The following PRRX1 variants were observed in gnomAD, a reference collection of about 807,000 sequenced individuals.
PRRX1 encodes paired related homeobox 1, also known as paired mesoderm homeobox protein 1.
In PRRX1, 8 loss-of-function variants were observed where a neutral mutation model predicts 24.0. That is an observed-to-expected ratio of 0.33 (90% CI 0.20 to 0.60). The LOEUF is 0.60. PRRX1 is among the 20% of genes least tolerant of loss of function. PRRX1 has a pLI of 0.82. For missense variants in PRRX1, 281 were observed against 322.4 expected (o/e 0.87, Z 0.98); for synonymous variants, 160 against 131.7 (o/e 1.22, Z -1.47).
intron 1 of PRRX1, among the ~76,000 whole-genome samples, chr1:170,681,293 C>G (rs571733437): frequency 6.6e-6 from 1 of 152,234 alleles, no homozygotes; most frequent in South Asian, 2.1e-4. Context: ...CAAACCAGAA[C>G]TTGTCTTGAC....
At chr1:170,734,548 C>A (rs546115752) in intron 3 of PRRX1, among the ~76,000 whole-genome samples, 2 of 152,204 alleles carry the variant, frequency 1.3e-5, no homozygotes, top group African/African-American at 2.4e-5. Context: ...GGGTTGAGAT[C>A]ATCTATCATG....
intron 1 of PRRX1, chr1:170,669,443 A>AAAAAAAAAAAAAAAAAAAC (rs1653067078): frequency 6.8e-6 from 1 of 146,394 alleles, no homozygotes; most frequent in African/African-American, 2.6e-5. Context: ...AAAAAAAAAA[A>AAAAAAAAAAAAAAAAAAAC]AAAAAAAAAA....
intron 1 of PRRX1, among the ~76,000 whole-genome samples, chr1:170,705,195 G>A (rs1654518059): frequency 6.6e-6 from 1 of 152,056 alleles, no homozygotes; most frequent in South Asian, 2.1e-4. Context: ...CATTTATATA[G>A]CTCATGGTTG....
chr1:170,684,434 T>G (rs748694538), intron 1 of PRRX1, among the ~76,000 whole-genome samples: 7 of 152,224 alleles, frequency 4.6e-5, no homozygotes, highest in Non-Finnish European at 1.0e-4. Flanking sequence ...AATAAACTAT[T>G]TGTATAGATA....
In PRRX1 at chr1:170,737,119, T is replaced by C. The variant is rs1229479725; in HGVS notation, c.*933T>C. The C allele has an allele frequency of 1.7e-5, 3 of 175,272 alleles. No individual in the cohort carries two copies. Among genetic ancestry groups the C allele is most frequent in the Non-Finnish European group, 3.7e-5 (3 of 82,174 alleles). The allele number at this position is 175,272 out of a possible 1,614,324, so 10.9% of individuals were successfully genotyped here. A position where few individuals can be genotyped will look rare whatever the true frequency, so the allele number is the denominator to read the frequency against. ...CTTTCGTGCCTTAAGGATAGTGAGA[T>C]GCACACTTATATATATACTGTATAT... On this transcript the variant is annotated 3_prime_UTR_variant, in exon 4 of 4. Transcript: ENST00000239461.
intron 2 of PRRX1, among the ~76,000 whole-genome samples, chr1:170,721,530 G>A (rs963754787): frequency 1.3e-5 from 2 of 151,970 alleles, no homozygotes; most frequent in Non-Finnish European, 2.9e-5. Context: ...GCTTTCCCAC[G>A]GGGAAACAGG....
intron 1 of PRRX1, among the ~76,000 whole-genome samples, chr1:170,714,605 G>A (rs926557550): frequency 6.6e-6 from 1 of 152,160 alleles, no homozygotes; most frequent in African/African-American, 2.4e-5. Flanking sequence ...CAATGATTTG[G>A]AATCTCTAAG....
At chr1:170,676,345 T>C (rs1653319138) in intron 1 of PRRX1, among the ~76,000 whole-genome samples, 1 of 152,086 alleles carries the variant, frequency 6.6e-6, no homozygotes, top group Non-Finnish European at 1.5e-5. Context: ...TTTTTTTCTT[T>C]ACTTCACATT....
At chr1:170,681,012 T>G (rs1347934049) in intron 1 of PRRX1, among the ~76,000 whole-genome samples, 1 of 152,218 alleles carries the variant, frequency 6.6e-6, no homozygotes, top group African/African-American at 2.4e-5. Context: ...TCCATATTTA[T>G]TTGTGTTTAA....
chr1:170,664,579 A>G, intron 1 of PRRX1, 120 bp downstream of exon 1: 1 of 1,414,584 alleles, frequency 7.1e-7, no homozygotes, highest in Admixed American at 2.6e-5. Context: ...AGGAGAGGTG[A>G]TGGCAGACTT....
At chr1:170,712,504 A>C (rs1235332151) in intron 1 of PRRX1, among the ~76,000 whole-genome samples, 3 of 152,178 alleles carry the variant, frequency 2.0e-5, no homozygotes, top group African/African-American at 7.2e-5. Context: ...TGAACAGCTA[A>C]ATAACAACAA....
At chr1:170,702,823 T>C (rs1206410570) in intron 1 of PRRX1, among the ~76,000 whole-genome samples, 1 of 152,210 alleles carries the variant, frequency 6.6e-6, no homozygotes, top group Non-Finnish European at 1.5e-5. Flanking sequence ...CCCAGAAAGC[T>C]AGGTTGCAGC....
At position 170,664,400 on chromosome 1, in the gene PRRX1, G is replaced by A; in HGVS notation, c.182G>A (p.Gly61Asp). Residue 61 changes from glycine to aspartate, a missense_variant, in exon 1 of 4, where the codon GGC (glycine) becomes GAC (aspartate). By Grantham distance (94) the Gly-to-Asp change is moderately conservative. Transcript: ENST00000239461. Reference sequence around the variant, plus strand: ...GCGGATGAGAACGTGGGCGAGGCTGGCCGGAGCCTGCTGGAGTCGCCGGGA... The same window carrying A: ...GCGGATGAGAACGTGGGCGAGGCTGACCGGAGCCTGCTGGAGTCGCCGGGA... ...AQADENVGEAGRSLLESPGLT... is the reference protein window; with the variant it reads ...AQADENVGEADRSLLESPGLT... The A allele has an allele frequency of 1.9e-6, 3 of 1,612,460 alleles. No homozygotes were observed. Among genetic ancestry groups the A allele is most frequent in the Non-Finnish European group, 2.5e-6 (3 of 1,179,566 alleles).
chr1:170,706,685 GATTA>G (rs1258324862), intron 1 of PRRX1, among the ~76,000 whole-genome samples: 1 of 152,174 alleles, frequency 6.6e-6, no homozygotes, highest in East Asian at 1.9e-4. Context: ...CTGGGGCTAT[GATTA>G]ATTAGAGACA....
At chr1:170,676,870 T>G (rs1321578277) in intron 1 of PRRX1, among the ~76,000 whole-genome samples, 2 of 152,194 alleles carry the variant, frequency 1.3e-5, no homozygotes, top group African/African-American at 4.8e-5. Flanking sequence ...CCTTTTTAAA[T>G]TCCTCTGGTT....
chr1:170,730,616 T>C (rs1655405371), intron 3 of PRRX1: 1 of 389,832 alleles, frequency 2.6e-6, no homozygotes, highest in Admixed American at 4.1e-5. Flanking sequence ...GATTCACTAA[T>C]TCCAGGTTGG....
chr1:170,732,076 T>G (rs1371230918), intron 3 of PRRX1, among the ~76,000 whole-genome samples: 1 of 152,222 alleles, frequency 6.6e-6, no homozygotes, highest in Non-Finnish European at 1.5e-5. Flanking sequence ...TGGTTGTTGT[T>G]AAGCAGGCTT....
intron 1 of PRRX1, among the ~76,000 whole-genome samples, chr1:170,692,258 C>T (rs183446050): frequency 6.6e-6 from 1 of 152,098 alleles, no homozygotes; most frequent in African/African-American, 2.4e-5. Flanking sequence ...TTTCTAATAA[C>T]TGACATAAAT....
At chr1:170,707,451 T>C (rs947857617) in intron 1 of PRRX1, among the ~76,000 whole-genome samples, 2 of 152,240 alleles carry the variant, frequency 1.3e-5, no homozygotes, top group African/African-American at 4.8e-5. Context: ...TCCCCACCTT[T>C]GCCCAAATCA....
Sources: gnomAD v4.1 joint callset for allele counts (sites outside exome capture counted in the v4.1 genomes callset) on GRCh38, gnomAD v4.1.1 for gene constraint, MANE v1.5 for transcripts, NCBI Gene and HGNC (gene_info 2026-07-23, HGNC 2026-07-21) for gene names.